Variants in PCNX1 observed in about 807,000 individuals in gnomAD.
PCNX1 encodes pecanex 1, also known as pecanex-like protein 1.
In PCNX1, 78 loss-of-function variants were observed where a neutral mutation model predicts 242.2. The ratio of observed to expected loss-of-function variants is 0.32; its 90% CI spans 0.27 to 0.39. The LOEUF (loss-of-function observed/expected upper bound fraction) is 0.39. Ranked by LOEUF, PCNX1 falls within the 10% of genes least tolerant of loss-of-function variation. The pLI is 1.00. For synonymous variants in PCNX1, 1,024 were observed against 1,032.9 expected (o/e 0.99, Z 0.17); for missense variants, 2,581 against 2,856.5 (o/e 0.90, Z 2.20).
At chr14:70,942,859 C>A (rs2057309241) in intron 1 of PCNX1, 1 of 152,224 alleles carries the variant, frequency 6.6e-6, no homozygotes, top group Admixed American at 6.5e-5. Flanking sequence ...ATAATCCCCA[C>A]ATATCAACTG....
chr14:71,037,048 C>G (rs1278459791), intron 19 of PCNX1, among the ~76,000 whole-genome samples: 9 of 151,988 alleles, frequency 5.9e-5, no homozygotes, highest in Admixed American at 2.0e-4. Flanking sequence ...CTCTTTGAAG[C>G]AATTGTGAAT....
chr14:70,931,899 G>A (rs944550593), intron 1 of PCNX1, among the ~76,000 whole-genome samples: 4 of 152,198 alleles, frequency 2.6e-5, no homozygotes, highest in East Asian at 1.9e-4. Flanking sequence ...CAAGGCGGGC[G>A]GATCGCCTGA....
chr14:70,930,376 C>T (rs1378309942), intron 1 of PCNX1, among the ~76,000 whole-genome samples: 1 of 152,168 alleles, frequency 6.6e-6, no homozygotes, highest in Non-Finnish European at 1.5e-5. Flanking sequence ...GTAATAGACT[C>T]AATCTCTGTT....
At chr14:70,986,366 T>TC (rs1472640913) in intron 6 of PCNX1, among the ~76,000 whole-genome samples, 1 of 152,196 alleles carries the variant, frequency 6.6e-6, no homozygotes, top group Non-Finnish European at 1.5e-5. Context: ...TTGATGTGTT[T>TC]CCAAGACTGT....
chr14:70,996,239 T>TA (rs2059347531), intron 8 of PCNX1, among the ~76,000 whole-genome samples: 15 of 151,826 alleles, frequency 9.9e-5, no homozygotes, highest in East Asian at 5.8e-4. Context: ...GTTGACTTTT[T>TA]TAAAAAAAAA....
intron 18 of PCNX1, among the ~76,000 whole-genome samples, chr14:71,035,547 G>A (rs1391717647): frequency 1.3e-5 from 2 of 151,594 alleles, no homozygotes; most frequent in African/African-American, 2.4e-5. Context: ...ATCACTTGAG[G>A]TCAGGAGTTC....
intron 26 of PCNX1, among the ~76,000 whole-genome samples, chr14:71,069,150 A>C (rs944312405): frequency 6.6e-6 from 1 of 152,098 alleles, no homozygotes; most frequent in Non-Finnish European, 1.5e-5. Context: ...ATCTCTTGAG[A>C]CTTACTTACT....
rs1408617691 is a variant in PCNX1, at chr14:71,114,876, A to AGT, written c.*4944_*4945dup. On this transcript the variant is annotated 3_prime_UTR_variant, in exon 36 of 36. Transcript: ENST00000304743. ...GCTGCTCCAGATGACTCTTGGGTTTAGTGTACTTGTGATTGAACAAGATTT... is the reference window on the plus strand; with the variant it reads ...GCTGCTCCAGATGACTCTTGGGTTTAGTGTGTACTTGTGATTGAACAAGATTT... 1 of 122,172 alleles carries AGT rather than the reference A, an allele frequency of 8.2e-6. No individual in the cohort carries two copies. The highest frequency in any genetic ancestry group is 1.6e-5 in the Non-Finnish European group (1 of 62,406). The allele number at this position is 122,172 out of a possible 1,614,324, so 7.6% of individuals were successfully genotyped here.
At chr14:70,910,216 C>CTCCTCCTCCTCCTCCTCG in intron 1 of PCNX1, among the ~76,000 whole-genome samples, 1 of 101,708 alleles carries the variant, frequency 9.8e-6, no homozygotes, top group Non-Finnish European at 2.1e-5. Context: ...CGTCCTCCTC[C>CTCCTCCTCCTCCTCCTCG]TCCTCCTCCT....
Position 71,102,127 on chromosome 14 carries a change from C to T in PCNX1, c.5727C>T (p.Ser1909=). ...GTGCAGTACTTGCCAACTCTCCCTC[C>T]TTGCTTGCTCTGCGGCATGTCATGG... The part of the protein sequence containing the change: ...WRSAVLANSP[S]LLALRHVMDD... The change falls in exon 31 of 36, where the codon TCC becomes TCT. Residue 1909 remains serine (S), a synonymous_variant. Transcript: ENST00000304743. The T allele has an allele frequency of 1.9e-6, 3 of 1,614,034 alleles. No homozygotes were observed. Among genetic ancestry groups the T allele is most frequent in the Non-Finnish European group, 2.5e-6 (3 of 1,179,958 alleles).
intron 2 of PCNX1, among the ~76,000 whole-genome samples, chr14:70,947,573 C>A (rs1173997229): frequency 6.6e-6 from 1 of 152,184 alleles, no homozygotes; most frequent in Non-Finnish European, 1.5e-5. Context: ...CTTATAGTTT[C>A]CTATGCCTGT....
chr14:70,968,151 T>C (rs1161000047), intron 3 of PCNX1, 47 bp from the exon 4 acceptor site: 7 of 1,353,046 alleles, frequency 5.2e-6, no homozygotes, highest in Admixed American at 1.7e-5. Flanking sequence ...GATAATGACA[T>C]AGCTAGCATT....
intron 1 of PCNX1, among the ~76,000 whole-genome samples, chr14:70,914,448 G>C (rs762971055): frequency 5.3e-5 from 8 of 152,140 alleles, no homozygotes; most frequent in Non-Finnish European, 1.2e-4. Flanking sequence ...GTGACGTAAA[G>C]GTGGAGTGTT....
chr14:71,051,201 A>G (rs1044063938), intron 23 of PCNX1, among the ~76,000 whole-genome samples: 3 of 128,276 alleles, frequency 2.3e-5, no homozygotes, highest in Non-Finnish European at 3.3e-5. Context: ...AAAAAAAATC[A>G]TAACCTTTTA....
chr14:70,977,404 G>T lies in PCNX1; in HGVS notation c.1067G>T (p.Ser356Ile). 3.1e-6 allele frequency: 5 copies of T among 1,614,118 alleles called. No homozygotes were observed. Among genetic ancestry groups the T allele is most frequent in the Non-Finnish European group, 3.4e-6 (4 of 1,180,036 alleles). ...AATACTTCTCAGCCACCCACAAAAAGTGGGAAGAGCAAACCTTTGAAAGCA... is the reference window on the plus strand; with the variant it reads ...AATACTTCTCAGCCACCCACAAAAATTGGGAAGAGCAAACCTTTGAAAGCA... ...KINTSQPPTK[S>I]GKSKPLKAEK... The change falls in exon 6 of 36, where the codon AGT becomes ATT. Residue 356 changes from serine to isoleucine, a missense_variant. This residue lies in a region of PCNX1 where 1,204 missense variants were observed against 1,216.7 expected (regional missense o/e 0.99). Transcript: ENST00000304743.
At position 70,907,472 on chromosome 14, in the gene PCNX1, TGGCCCA is replaced by T. The variant is rs1363236745; in HGVS notation, c.-376_-371del. On this transcript the variant is annotated 5_prime_UTR_variant, in exon 1 of 36. Coordinates refer to ENST00000304743, the MANE Select transcript of PCNX1 (RefSeq NM_014982.3). ...CTGGCGCCGGGCCTCTTTCTCTGCC[TGGCCCA>T]GGGCTGGCGGCCGGCGGGGGTCGCG... The T allele has an allele frequency of 6.6e-6, 1 of 152,334 alleles. No homozygotes were observed. The highest frequency in any genetic ancestry group is 1.5e-5 in the Non-Finnish European group (1 of 67,974). 9.4% of individuals were successfully genotyped at this position (152,334 alleles called of 1,614,324 possible). A position where few individuals can be genotyped will look rare whatever the true frequency, so the allele number is the denominator to read the frequency against.
chr14:70,930,641 G>A (rs1378583400), intron 1 of PCNX1, among the ~76,000 whole-genome samples: 2 of 151,994 alleles, frequency 1.3e-5, no homozygotes, highest in Admixed American at 6.6e-5. Flanking sequence ...AGAAATACAG[G>A]TAGGCTCAAG....
At chr14:71,006,133 GTGTGTGTGT>G (rs1566688409) in intron 8 of PCNX1, among the ~76,000 whole-genome samples, 1 of 105,912 alleles carries the variant, frequency 9.4e-6, no homozygotes, top group Non-Finnish European at 1.9e-5. Flanking sequence ...GTGTGTGTGT[GTGTGTGTGT>G]GTGTGTGTGT....
At chr14:71,068,420 ATGTATATG>A (rs199632043) in intron 26 of PCNX1, among the ~76,000 whole-genome samples, 2,119 of 149,168 alleles carry the variant, frequency 0.014, 22 homozygotes, top group Non-Finnish European at 0.023. Flanking sequence ...ATGTATTTAT[ATGTATATG>A]TATATATGTA....
Sources: allele counts gnomAD v4.1 joint callset (sites outside exome capture counted in the v4.1 genomes callset), GRCh38; gene constraint gnomAD v4.1.1; regional missense constraint gnomAD v4.1.1; transcripts MANE v1.5; gene names NCBI Gene and HGNC (gene_info 2026-07-23, HGNC 2026-07-21).